The following MUC12 variants were observed in gnomAD, a reference collection of about 807,000 sequenced individuals.
MUC12 encodes the protein mucin-12.
MUC12 carries 172 observed loss-of-function variants against 230.8 expected under a neutral mutation model. That is an observed-to-expected ratio of 0.75 (90% CI 0.66 to 0.85). The LOEUF is 0.85. Among genes scored for constraint, MUC12 ranks in the 40% least tolerant of loss-of-function variants. The probability of loss-of-function intolerance (pLI) is 0.00; values close to 1 mark genes in which losing one functional copy is unlikely to be tolerated. For missense variants in MUC12, 3,506 were observed against 5,920.6 expected (o/e 0.59, Z 13.38); for synonymous variants, 1,259 against 2,401.9 (o/e 0.52, Z 13.91).
At chr7:101,012,273 G>C in intron 5 of MUC12, 23 bp from the exon 6 acceptor site, 1 of 1,536,330 alleles carries the variant, frequency 6.5e-7, no homozygotes, top group Non-Finnish European at 8.7e-7. Context: ...ATGGGTAACT[G>C]ATGAAACGAT....
Position 101,018,737 on chromosome 7 carries a change from C to T in MUC12, c.*101C>T, listed in dbSNP as rs1794001802. 1 of 1,254,414 alleles carries T rather than the reference C, an allele frequency of 8.0e-7. No homozygotes were observed. The highest frequency in any genetic ancestry group is 1.1e-6 in the Non-Finnish European group (1 of 924,346). The allele number at this position is 1,254,414 out of a possible 1,614,324, so 77.7% of individuals were successfully genotyped here. Reference sequence around the variant, plus strand: ...GGGCGGGTCAAGAGGAGACCGAAGTCAGGCCCTGAAGCCGGTCCTGCTCTG... The same window carrying T: ...GGGCGGGTCAAGAGGAGACCGAAGTTAGGCCCTGAAGCCGGTCCTGCTCTG... On this transcript the variant is annotated 3_prime_UTR_variant, in exon 12 of 12. Coordinates refer to ENST00000536621, the MANE Select transcript of MUC12 (RefSeq NM_001164462.2).
Position 100,991,351 on chromosome 7 carries a change from T to G in MUC12, c.788T>G (p.Leu263Arg), listed in dbSNP as rs1793294444. The G allele has an allele frequency of 5.9e-6, 9 of 1,537,582 alleles. No individual in the cohort carries two copies. In the East Asian group the frequency reaches 2.0e-4, roughly 33 times the overall value. ...HSSTGSPHTTLSPSSSTTHEG... is the reference protein window; with the variant it reads ...HSSTGSPHTTRSPSSSTTHEG... ...AGCACTGGATCGCCACACACAACACTGTCCCCTTCCAGCTCTACAACCCAT... is the reference window on the plus strand; with the variant it reads ...AGCACTGGATCGCCACACACAACACGGTCCCCTTCCAGCTCTACAACCCAT... Residue 263 changes from leucine to arginine, a missense_variant, in exon 2 of 12, where the codon CTG becomes CGG. By Grantham distance (102) the Leu-to-Arg change is moderately radical. Transcript: ENST00000536621.
intron 5 of MUC12, 36 bp from the exon 6 acceptor site, chr7:101,012,260 G>A: frequency 6.5e-7 from 1 of 1,534,240 alleles, no homozygotes; most frequent in South Asian, 1.2e-5. Context: ...GCTGGGTGGT[G>A]ACATGGGTAA....
Position 101,005,029 on chromosome 7 carries a change from T to C in MUC12, c.14466T>C (p.Phe4822=). The change falls in exon 2 of 12, where the codon TTT becomes TTC. Residue 4822 remains phenylalanine, a synonymous_variant. Transcript: ENST00000536621. ...CAACTTCATCTTTTGCTCAAGAATT[T>C]ACCACCCCTCATAGCCAACCAGGCT... The part of the protein sequence containing the change: ...SITTSSFAQE[F]TTPHSQPGSA... The C allele has an allele frequency of 6.5e-7, 1 of 1,537,650 alleles. No individual in the cohort carries two copies. Among genetic ancestry groups the C allele is most frequent in the Non-Finnish European group, 8.7e-7 (1 of 1,146,996 alleles).
intron 1 of MUC12, among the ~76,000 whole-genome samples, chr7:100,973,452 G>A (rs1163447521): frequency 9.2e-6 from 1 of 109,034 alleles, no homozygotes; most frequent in Admixed American, 9.3e-5. Flanking sequence ...AGGCTGAGGA[G>A]GTATGAAAAT....
chr7:100,971,025 A>G (rs1405880416), intron 1 of MUC12, among the ~76,000 whole-genome samples: 1 of 152,096 alleles, frequency 6.6e-6, no homozygotes, highest in East Asian at 1.9e-4. Flanking sequence ...GCATGGTGGC[A>G]CACGCCTGTA....
rs57707460 is a variant in MUC12, at chr7:100,992,690, C to T, written c.2127C>T (p.Gly709=). The change falls in exon 2 of 12, where the codon GGC becomes GGT. Residue 709 remains glycine, a synonymous_variant. Transcript: ENST00000536621. ...MHFPESDTTS[G]RGEESTTSHS... is the part of the protein sequence containing the mutation. ...TCCCTGAAAGCGACACAACTTCAGG[C>T]CGTGGTGAAGAATCAACAACTTCCC... 5.2e-3 allele frequency: 8,044 copies of T among 1,535,440 alleles called. 17 individuals carry two copies. The African/African-American group carries it at 0.095, about 18-fold the overall frequency.
Position 100,994,050 on chromosome 7 carries a change from A to G in MUC12, c.3487A>G (p.Ser1163Gly), listed in dbSNP as rs1793405646. 6.9e-6 allele frequency: 7 copies of G among 1,021,478 alleles called. 2 individuals carry two copies. In the East Asian group the frequency reaches 2.8e-4, roughly 41 times the overall value. 63.3% of individuals were successfully genotyped at this position (1,021,478 alleles called of 1,614,324 possible). ...TGAGGAATCTACCACCGTCTACAGCAGCAGCCGAGGCTCAACTGAAACCAC... is the reference window on the plus strand; with the variant it reads ...TGAGGAATCTACCACCGTCTACAGCGGCAGCCGAGGCTCAACTGAAACCAC... ...LSEESTTVYS[S>G]SRGSTETTVF... Residue 1163 changes from serine to glycine, a missense_variant, in exon 2 of 12, where the codon AGC (serine) becomes GGC (glycine). Physicochemically the swap from Ser to Gly is moderately conservative, Grantham distance 56 (BLOSUM62 0). Coordinates refer to ENST00000536621, the MANE Select transcript of MUC12 (RefSeq NM_001164462.2).
Position 100,990,751 on chromosome 7 carries a change from C to T in MUC12, c.188C>T (p.Thr63Ile), listed in dbSNP as rs947222570. ...TCAGTCACATTTATCACGGGCTCAACTGCAACAAAACACTTCCTTGACAGC... is the reference window on the plus strand; with the variant it reads ...TCAGTCACATTTATCACGGGCTCAATTGCAACAAAACACTTCCTTGACAGC... ...GVSVTFITGS[T>I]ATKHFLDSST... Residue 63 changes from threonine to isoleucine, a missense_variant, in exon 2 of 12, where the codon ACT (threonine) becomes ATT (isoleucine). Transcript: ENST00000536621. 1 of 1,537,770 alleles carries T rather than the reference C, an allele frequency of 6.5e-7. No homozygotes were observed. Among genetic ancestry groups the T allele is most frequent in the African/African-American group, 1.4e-5 (1 of 73,022 alleles).
At position 100,993,757 on chromosome 7, in the gene MUC12, C is replaced by A. The variant is rs1207258264; in HGVS notation, c.3194C>A (p.Ser1065Tyr). ...ASGTTPSSAH[S>Y]TTSGRGESTT... ...GGAACAACACCCTCATCTGCCCACT[C>A]CACAACCTCAGGTCGTGGAGAATCT... is the stretch of plus-strand genomic sequence containing the variant. Residue 1065 changes from serine (S) to tyrosine (Y), a missense_variant, in exon 2 of 12, where the codon TCC (serine) becomes TAC (tyrosine). Transcript: ENST00000536621. The A allele has an allele frequency of 7.4e-7, 1 of 1,348,978 alleles. No homozygotes were observed. The highest frequency in any genetic ancestry group is 1.9e-5 in the African/African-American group (1 of 52,248). The allele number at this position is 1,348,978 out of a possible 1,614,324, so 83.6% of individuals were successfully genotyped here. A position where few individuals can be genotyped will look rare whatever the true frequency, so the allele number is the denominator to read the frequency against.
At chr7:100,990,544 G>A (rs1186179310) in intron 1 of MUC12, 87 bp from the exon 2 acceptor site, 2 of 1,485,778 alleles carry the variant, frequency 1.3e-6, no homozygotes, top group Admixed American at 2.0e-5. Context: ...GTGTCTTCCA[G>A]CCCGGATGTG....
At position 100,995,540 on chromosome 7, in the gene MUC12, A is replaced by T. The variant is rs1333210913; in HGVS notation, c.4977A>T (p.Ala1659=). 7.2e-6 allele frequency: 11 copies of T among 1,536,294 alleles called. No individual in the cohort carries two copies. The highest frequency in any genetic ancestry group is 9.6e-6 in the Non-Finnish European group (11 of 1,146,908). The part of the protein sequence containing the change: ...DNTTASGLLE[A]STPVHSSTGS... ...CCACAGCCTCAGGCCTCCTTGAAGC[A>T]TCTACGCCCGTCCACAGCAGCACTG... The change falls in exon 2 of 12, where the codon GCA becomes GCT. Residue 1659 remains alanine, a synonymous_variant. Coordinates refer to ENST00000536621, the MANE Select transcript of MUC12 (RefSeq NM_001164462.2).
At chr7:100,973,195 G>T in intron 1 of MUC12, 1 of 603,078 alleles carries the variant, frequency 1.7e-6, no homozygotes, top group Non-Finnish European at 2.9e-6. Flanking sequence ...TATCCTGGGA[G>T]GAGGACATGA....
intron 2 of MUC12, among the ~76,000 whole-genome samples, chr7:101,006,139 C>G (rs1793746327): frequency 6.6e-6 from 1 of 152,120 alleles, no homozygotes; most frequent in South Asian, 2.1e-4. Context: ...CTGCTCTGGC[C>G]TCCTGTGGTT....
chr7:101,017,568 C>G lies in MUC12; in HGVS notation c.15878-7C>G, dbSNP rs377223740. On this transcript the variant is annotated splice_region_variant and splice_polypyrimidine_tract_variant and intron_variant, in intron 10 of 11. Transcript: ENST00000536621. ...CTCCCATCACTCATCACGGCCTCTC[C>G]CTACAGACCAGAATCTGAGGGAGAG... is the stretch of plus-strand genomic sequence containing the variant. 4 of 1,532,084 alleles carry G rather than the reference C, an allele frequency of 2.6e-6. No homozygotes were observed. In the African/African-American group the frequency reaches 5.5e-5, roughly 21 times the overall value. 94.9% of individuals were successfully genotyped at this position (1,532,084 alleles called of 1,614,324 possible).
chr7:100,995,426 C>T lies in MUC12; in HGVS notation c.4863C>T (p.Gly1621=). 2 of 1,534,322 alleles carry T rather than the reference C, an allele frequency of 1.3e-6. No homozygotes were observed. The highest frequency in any genetic ancestry group is 1.7e-6 in the Non-Finnish European group (2 of 1,145,654). ...PGSTDTTLSP[G]STTASSLGPE... ...CCACAGACACAACATTGTCCCCTGG[C>T]AGTACCACAGCATCATCCCTTGGTC... The change falls in exon 2 of 12, where the codon GGC becomes GGT. Residue 1621 remains glycine (G), a synonymous_variant. Coordinates refer to ENST00000536621, the MANE Select transcript of MUC12 (RefSeq NM_001164462.2).
At chr7:100,973,432 C>T (rs1792953849) in intron 1 of MUC12, among the ~76,000 whole-genome samples, 1 of 89,684 alleles carries the variant, frequency 1.1e-5, no homozygotes, top group South Asian at 3.7e-4. Context: ...ATTGCCCCAG[C>T]CCCTACTACA....
In MUC12 at chr7:100,991,033, C is replaced by G; in HGVS notation, c.470C>G (p.Thr157Arg). The change falls in exon 2 of 12, where the codon ACA becomes AGA. Residue 157 changes from threonine (T) to arginine (R), a missense_variant. Physicochemically the swap from Thr to Arg is moderately conservative, Grantham distance 71 (BLOSUM62 -1). Transcript: ENST00000536621. ...PDRTLSPARTTSSGVSEKSTT... is the reference protein window; with the variant it reads ...PDRTLSPARTRSSGVSEKSTT... ...AGAACACTCTCACCTGCCCGCACGA[C>G]AAGCTCAGGCGTCAGTGAAAAATCA... is the stretch of plus-strand genomic sequence containing the variant. 6.5e-7 allele frequency: 1 copy of G among 1,537,916 alleles called. No homozygotes were observed. Among genetic ancestry groups the G allele is most frequent in the Non-Finnish European group, 8.7e-7 (1 of 1,147,064 alleles).
In MUC12 at chr7:100,992,104, G is replaced by C; in HGVS notation, c.1541G>C (p.Ser514Thr). The C allele has an allele frequency of 6.5e-7, 1 of 1,537,312 alleles. No homozygotes were observed. Among genetic ancestry groups the C allele is most frequent in the South Asian group, 1.2e-5 (1 of 84,040 alleles). Residue 514 changes from serine (S) to threonine (T), a missense_variant, in exon 2 of 12, where the codon AGC (serine) becomes ACC (threonine). Coordinates refer to ENST00000536621, the MANE Select transcript of MUC12 (RefSeq NM_001164462.2). ...DTTHLPASMT[S>T]SGVSEESTTS... ...ACACACTTACCTGCCAGCATGACAA[G>C]CTCAGGCGTCAGTGAAGAATCCACC... is the stretch of plus-strand genomic sequence containing the variant.
Sources: allele counts gnomAD v4.1 joint callset (sites outside exome capture counted in the v4.1 genomes callset), GRCh38; gene constraint gnomAD v4.1.1; transcripts MANE v1.5; gene names NCBI Gene and HGNC (gene_info 2026-07-23, HGNC 2026-07-21).